Variants in IFT74 observed in about 807,000 individuals in gnomAD.
IFT74 encodes the protein intraflagellar transport 74, also known as intraflagellar transport protein 74 homolog.
Under a neutral mutation model 96.7 loss-of-function variants are expected in IFT74, and 92 were observed. The observed-to-expected ratio is 0.95, with a 90% confidence interval of 0.80 to 1.13. The LOEUF is 1.13. Ranked by LOEUF, IFT74 falls within the 50% of genes most tolerant of loss-of-function variation. IFT74 has a pLI of 0.00. For synonymous variants in IFT74, 223 were observed against 213.2 expected (o/e 1.05, Z -0.40); for missense variants, 811 against 698.2 (o/e 1.16, Z -1.82).
At chr9:27,015,450 A>G (rs1328927253) in intron 10 of IFT74, among the ~76,000 whole-genome samples, 1 of 152,136 alleles carries the variant, frequency 6.6e-6, no homozygotes, top group Admixed American at 6.6e-5. Context: ...CAGCATGGCC[A>G]ACATGGTGAA....
In IFT74 at chr9:26,989,511, G is replaced by A. The variant is rs1408108580; in HGVS notation, c.526-623G>A. 2.0e-5 allele frequency among the ~76,000 whole-genome samples: 3 copies of A among 152,238 alleles called. No individual in the cohort carries two copies. The East Asian group carries it at 5.8e-4, about 29-fold the overall frequency. ...TATATAGTTTATAATTTATTTACATGAGTAAAGACTGTTCTATGAAGACAT... is the reference window on the plus strand; with the variant it reads ...TATATAGTTTATAATTTATTTACATAAGTAAAGACTGTTCTATGAAGACAT... On this transcript the variant is annotated intron_variant, in intron 7 of 19. Coordinates refer to ENST00000380062, the MANE Select transcript of IFT74 (RefSeq NM_025103.4).
chr9:27,062,595 TC>T, intron 19 of IFT74, 22 bp from the exon 20 acceptor site: 1 of 1,238,842 alleles, frequency 8.1e-7, no homozygotes, highest in Non-Finnish European at 1.2e-6. Context: ...GACATTGTTT[TC>T]CCCCTTAACT....
intron 12 of IFT74, among the ~76,000 whole-genome samples, 169 bp downstream of exon 12, chr9:27,018,856 T>G (rs1829472324): frequency 6.6e-6 from 1 of 152,188 alleles, no homozygotes; most frequent in East Asian, 1.9e-4. Context: ...GTATCTTTAT[T>G]AAGATATACT....
intron 16 of IFT74, 82 bp downstream of exon 16, chr9:27,048,356 G>T: frequency 1.0e-5 from 10 of 954,976 alleles, no homozygotes; most frequent in Non-Finnish European, 1.5e-5. Flanking sequence ...AAGCCTCATT[G>T]ACAGAGGCTA....
intron 6 of IFT74, among the ~76,000 whole-genome samples, chr9:26,984,989 T>C (rs1827574458): frequency 6.6e-6 from 1 of 152,114 alleles, no homozygotes; most frequent in African/African-American, 2.4e-5. Flanking sequence ...CATTTTACCA[T>C]AAAGACACAT....
intron 18 of IFT74, among the ~76,000 whole-genome samples, chr9:27,057,567 C>A (rs555665525): frequency 6.6e-6 from 1 of 152,016 alleles, no homozygotes; most frequent in African/African-American, 2.4e-5. Flanking sequence ...ATTAAAAATT[C>A]CCTCTTTTGG....
intron 9 of IFT74, among the ~76,000 whole-genome samples, chr9:27,011,238 C>T (rs774183254): frequency 1.1e-4 from 17 of 151,836 alleles, no homozygotes; most frequent in African/African-American, 1.7e-4. Flanking sequence ...GGCAACAGAG[C>T]GAGACTCTGT....
chr9:26,950,523 A>C (rs530664473), intron 1 of IFT74, among the ~76,000 whole-genome samples: 4 of 152,162 alleles, frequency 2.6e-5, no homozygotes, highest in African/African-American at 9.7e-5. Flanking sequence ...TGGCATAGTT[A>C]TTTTAGCCTC....
intron 8 of IFT74, chr9:26,993,957 C>T (rs1828008227): frequency 6.6e-6 from 1 of 152,086 alleles, no homozygotes; most frequent in Admixed American, 6.6e-5. Context: ...ATAGATTGTG[C>T]TACAGTTTTT....
intron 19 of IFT74, among the ~76,000 whole-genome samples, chr9:27,061,969 C>T (rs1315387606): frequency 6.6e-6 from 1 of 152,052 alleles, no homozygotes; most frequent in Admixed American, 6.6e-5. Flanking sequence ...AAAGTTGTTT[C>T]CTATTCCCTT....
At chr9:27,040,961 G>C (rs1040838132) in intron 13 of IFT74, among the ~76,000 whole-genome samples, 1 of 152,104 alleles carries the variant, frequency 6.6e-6, no homozygotes, top group African/African-American at 2.4e-5. Flanking sequence ...AGGTAGTTTT[G>C]GTGGTGCTCA....
In IFT74 at chr9:27,062,983, A is replaced by T. The variant is rs1820493543; in HGVS notation, c.*247A>T. The T allele has an allele frequency of 2.6e-6, 1 of 389,564 alleles. No individual in the cohort carries two copies. Among genetic ancestry groups the T allele is most frequent in the Non-Finnish European group, 4.5e-6 (1 of 220,628 alleles). The allele number at this position is 389,564 out of a possible 1,614,324, so 24.1% of individuals were successfully genotyped here. On this transcript the variant is annotated 3_prime_UTR_variant, in exon 20 of 20. Coordinates refer to ENST00000380062, the MANE Select transcript of IFT74 (RefSeq NM_025103.4). ...CTTGTATTTGAACCAAGAGATAAAG[A>T]AACTAAAAGTGACCGTTGAAATTTA...
rs903757478 is a variant in IFT74 at position 27,063,169 on chromosome 9, G to A, written c.*433G>A. ...AGTAAGATTAGAAGGGAGATTTTTAGCTTTGAATGTTACTTCTCAAATAGG... is the reference window on the plus strand; with the variant it reads ...AGTAAGATTAGAAGGGAGATTTTTAACTTTGAATGTTACTTCTCAAATAGG... On this transcript the variant is annotated 3_prime_UTR_variant, in exon 20 of 20. Coordinates refer to ENST00000380062, the MANE Select transcript of IFT74 (RefSeq NM_025103.4). Among the ~76,000 whole-genome samples, 3 of 152,030 alleles carry A rather than the reference G, an allele frequency of 2.0e-5. No individual in the cohort carries two copies. Among genetic ancestry groups the A allele is most frequent in the African/African-American group, 7.2e-5 (3 of 41,398 alleles).
chr9:26,984,122 C>T (rs1478777659), intron 4 of IFT74, 135 bp from the exon 5 acceptor site: 1 of 699,136 alleles, frequency 1.4e-6, no homozygotes, highest in Non-Finnish European at 2.2e-6. Flanking sequence ...GCCACCTAAA[C>T]TTTCTGCATT....
At chr9:27,028,145 C>A (rs1829958672) in intron 12 of IFT74, among the ~76,000 whole-genome samples, 1 of 152,052 alleles carries the variant, frequency 6.6e-6, no homozygotes, top group Non-Finnish European at 1.5e-5. Context: ...AATTTTAGTC[C>A]ATTGATATAT....
At chr9:27,050,010 A>G (rs1410243092) in intron 16 of IFT74, among the ~76,000 whole-genome samples, 2 of 152,142 alleles carry the variant, frequency 1.3e-5, no homozygotes, top group Non-Finnish European at 2.9e-5. Context: ...GATCAAAGAG[A>G]TATTTTATCT....
chr9:27,006,985 C>T (rs1193798988), intron 8 of IFT74, among the ~76,000 whole-genome samples: 7 of 151,728 alleles, frequency 4.6e-5, no homozygotes, highest in Admixed American at 6.6e-5. Flanking sequence ...TACAGGCGCC[C>T]ACCATCACGC....
chr9:27,023,329 T>C (rs1329735425), intron 12 of IFT74, among the ~76,000 whole-genome samples: 8 of 152,186 alleles, frequency 5.3e-5, no homozygotes, highest in Non-Finnish European at 8.8e-5. Flanking sequence ...TTAAGATATG[T>C]CTCTTCTGTG....
Position 27,041,671 on chromosome 9 carries a change from A to G in IFT74, c.1055-3071A>G, listed in dbSNP as rs141458625. ...TACACTGATTTGCTTCCGTCTATCT[A>G]CAATCTCATCCTGTCCTGTGATATT... is the stretch of plus-strand genomic sequence containing the variant. On this transcript the variant is annotated intron_variant, in intron 13 of 19. Coordinates refer to ENST00000380062, the MANE Select transcript of IFT74 (RefSeq NM_025103.4). 2.2e-4 allele frequency among the ~76,000 whole-genome samples: 33 copies of G among 152,196 alleles called. 1 individual carries two copies. The East Asian group carries it at 4.8e-3, about 22-fold the overall frequency.
Sources: allele counts gnomAD v4.1 joint callset (sites outside exome capture counted in the v4.1 genomes callset), GRCh38; gene constraint gnomAD v4.1.1; transcripts MANE v1.5; gene names NCBI Gene and HGNC (gene_info 2026-07-23, HGNC 2026-07-21).